Variants in TMC1 observed in about 807,000 individuals in gnomAD.
TMC1 encodes the protein transmembrane channel like 1, also known as transmembrane channel-like protein 1.
In TMC1, 84 loss-of-function variants were observed where a neutral mutation model predicts 105.8. The observed-to-expected ratio is 0.79, with a 90% CI of 0.67 to 0.95. The LOEUF is 0.95. TMC1 is among the 40% of genes least tolerant of loss of function. The probability of loss-of-function intolerance (pLI) is 0.00; values close to 1 mark genes in which losing one functional copy is unlikely to be tolerated. For missense variants in TMC1, 817 were observed against 914.1 expected (o/e 0.89, Z 1.37); for synonymous variants, 315 against 311.5 (o/e 1.01, Z -0.12).
At chr9:72,703,080 A>G (rs1404632324) in intron 8 of TMC1, among the ~76,000 whole-genome samples, 7 of 151,872 alleles carry the variant, frequency 4.6e-5, no homozygotes, top group African/African-American at 7.3e-5. Context: ...TAACCATGAA[A>G]TCGATTTTCT....
intron 3 of TMC1, among the ~76,000 whole-genome samples, chr9:72,624,698 C>A (rs146923711): frequency 6.6e-6 from 1 of 152,334 alleles, no homozygotes; most frequent in East Asian, 1.9e-4. Flanking sequence ...GTTTCCTCCA[C>A]TACTGATTGT....
intron 19 of TMC1, 143 bp downstream of exon 19, chr9:72,816,353 T>C (rs967644418): frequency 1.3e-5 from 10 of 751,186 alleles, no homozygotes; most frequent in African/African-American, 5.2e-5. Flanking sequence ...TGCCTGTATA[T>C]AGTTTCCTTT....
intron 2 of TMC1, among the ~76,000 whole-genome samples, chr9:72,604,047 G>A (rs1157072363): frequency 1.3e-5 from 2 of 151,726 alleles, no homozygotes; most frequent in African/African-American, 4.8e-5. Flanking sequence ...TTGTATTTTA[G>A]TAGAGATGGG....
chr9:72,701,329 A>G (rs1177378176), intron 8 of TMC1, among the ~76,000 whole-genome samples: 1 of 152,228 alleles, frequency 6.6e-6, no homozygotes, highest in African/African-American at 2.4e-5. Flanking sequence ...ACACAGATTT[A>G]TAAACTCTTC....
chr9:72,649,476 C>G (rs1187747672), intron 5 of TMC1, among the ~76,000 whole-genome samples: 4 of 152,146 alleles, frequency 2.6e-5, no homozygotes, highest in Non-Finnish European at 5.9e-5. Flanking sequence ...AAAGTGGAAA[C>G]AGAGACCTCA....
chr9:72,796,933 ATC>A (rs1244406915), intron 17 of TMC1, among the ~76,000 whole-genome samples: 1 of 152,128 alleles, frequency 6.6e-6, no homozygotes, highest in Non-Finnish European at 1.5e-5. Flanking sequence ...GAGTCAAATT[ATC>A]TTTGTTTGCA....
intron 5 of TMC1, chr9:72,656,178 A>G: frequency 3.4e-6 from 2 of 580,674 alleles, no homozygotes; most frequent in Non-Finnish European, 6.6e-6. Context: ...TTTTTCCGGT[A>G]TCCTTAAAAG....
intron 9 of TMC1, 40 bp downstream of exon 9, chr9:72,740,249 C>A: frequency 6.4e-7 from 1 of 1,556,492 alleles, no homozygotes; most frequent in Non-Finnish European, 8.9e-7. Context: ...GGCATATTGC[C>A]TCTAAGAAGA....
intron 2 of TMC1, among the ~76,000 whole-genome samples, chr9:72,578,959 G>A (rs1284203662): frequency 6.6e-6 from 1 of 152,180 alleles, no homozygotes; most frequent in African/African-American, 2.4e-5. Flanking sequence ...TACTATTGTG[G>A]TTGGATTGGG....
rs143749371 is a variant in TMC1 at position 72,640,976 on chromosome 9, A to G, written c.-52-7621A>G. 1.8e-4 allele frequency among the ~76,000 whole-genome samples: 28 copies of G among 152,284 alleles called. No individual in the cohort carries two copies. The East Asian group carries it at 5.4e-3, about 29-fold the overall frequency. ...GAATGAAAATGTAAAGAAATTTGCT[A>G]GATGTGTCCATCTTTTCATGTGGCA... On this transcript the variant is annotated intron_variant, in intron 4 of 23. Coordinates refer to ENST00000297784, the MANE Select transcript of TMC1 (RefSeq NM_138691.3).
At chr9:72,810,583 T>C (rs1828686014) in intron 18 of TMC1, among the ~76,000 whole-genome samples, 1 of 151,318 alleles carries the variant, frequency 6.6e-6, no homozygotes, top group South Asian at 2.1e-4. Context: ...TTTATAAATA[T>C]ACACATATAT....
At chr9:72,581,777 C>T (rs1824478820) in intron 2 of TMC1, among the ~76,000 whole-genome samples, 1 of 152,036 alleles carries the variant, frequency 6.6e-6, no homozygotes, top group African/African-American at 2.4e-5. Flanking sequence ...TATTAGTAAA[C>T]TATTTTAGGG....
At chr9:72,792,939 G>A (rs1828299745) in intron 17 of TMC1, among the ~76,000 whole-genome samples, 1 of 152,158 alleles carries the variant, frequency 6.6e-6, no homozygotes. Context: ...CAGCCCACCT[G>A]GTAGTGACAT....
intron 1 of TMC1, among the ~76,000 whole-genome samples, chr9:72,569,256 A>C (rs1824225369): frequency 6.6e-6 from 1 of 152,210 alleles, no homozygotes; most frequent in Non-Finnish European, 1.5e-5. Context: ...TTAGGGAATA[A>C]TGAGAGGAAA....
At chr9:72,617,911 GT>G (rs1825162846) in intron 3 of TMC1, among the ~76,000 whole-genome samples, 2 of 21,566 alleles carry the variant, frequency 9.3e-5, no homozygotes, top group African/African-American at 4.3e-4. Flanking sequence ...TATGTGTGGT[GT>G]GTGTGTGTGT....
intron 18 of TMC1, among the ~76,000 whole-genome samples, chr9:72,806,014 C>T (rs1828570115): frequency 6.6e-6 from 1 of 152,078 alleles, no homozygotes; most frequent in Admixed American, 6.5e-5. Flanking sequence ...TTCTATTCCA[C>T]AAAGCCGCCA....
chr9:72,599,806 A>G (rs750787652), intron 2 of TMC1, among the ~76,000 whole-genome samples: 3 of 151,718 alleles, frequency 2.0e-5, no homozygotes, highest in Non-Finnish European at 2.9e-5. Flanking sequence ...GCCAAACTCC[A>G]TTTCAAAAAA....
At chr9:72,578,922 T>C (rs192825549) in intron 2 of TMC1, among the ~76,000 whole-genome samples, 97 of 152,280 alleles carry the variant, frequency 6.4e-4, no homozygotes, top group African/African-American at 2.3e-3. Flanking sequence ...CCTTTCGATG[T>C]TGGTCGTTGG....
At chr9:72,574,328 T>TAAAGGGAA (rs1194519559) in intron 1 of TMC1, among the ~76,000 whole-genome samples, 1 of 152,202 alleles carries the variant, frequency 6.6e-6, no homozygotes, top group African/African-American at 2.4e-5. Context: ...GACCTCCATT[T>TAAAGGGAA]AATTGGGCGC....
Sources: gnomAD v4.1 joint callset for allele counts (sites outside exome capture counted in the v4.1 genomes callset) on GRCh38, gnomAD v4.1.1 for gene constraint, MANE v1.5 for transcripts, NCBI Gene and HGNC (gene_info 2026-07-23, HGNC 2026-07-21) for gene names.